FMN1: variants seen among roughly 807,000 people sequenced by gnomAD.
FMN1 encodes the protein formin 1.
In FMN1, 110 loss-of-function variants were observed where a neutral mutation model predicts 132.4. The ratio of observed to expected loss-of-function variants is 0.83; its 90% confidence interval spans 0.71 to 0.97. FMN1 has a LOEUF of 0.97. FMN1 is among the 50% of genes least tolerant of loss of function. FMN1 has a pLI of 0.00. For missense variants in FMN1, 1,792 were observed against 1,705.3 expected, an observed-to-expected ratio of 1.05 and a Z score of -0.90; for synonymous variants, 722 against 651.7, an observed-to-expected ratio of 1.11 and a Z score of -1.64.
At chr15:32,981,189 C>A (rs2032625016) in intron 7 of FMN1, among the ~76,000 whole-genome samples, 1 of 151,970 alleles carries the variant, frequency 6.6e-6, no homozygotes, top group Non-Finnish European at 1.5e-5. Context: ...TAAAATATTA[C>A]ATTCAAATTA....
chr15:33,191,566 A>G (rs1396347789), intron 2 of FMN1, among the ~76,000 whole-genome samples: 5 of 152,202 alleles, frequency 3.3e-5, no homozygotes, highest in Admixed American at 3.3e-4. Flanking sequence ...ACAGAAATCC[A>G]GGTTACTCTG....
intron 16 of FMN1, among the ~76,000 whole-genome samples, chr15:32,880,930 T>C (rs1375779104): frequency 6.6e-6 from 1 of 152,186 alleles, no homozygotes; most frequent in Non-Finnish European, 1.5e-5. Flanking sequence ...ATTAGTCAAA[T>C]ATCACATGGT....
Position 33,017,843 on chromosome 15 carries a change from T to C in FMN1, c.2162-9768A>G, listed in dbSNP as rs976855356. ...ACTTTGGGAGACTGAGGCGGACGGA[T>C]TTCCTGAGGTCAGGAGTTCCAGACC... On this transcript the variant is annotated intron_variant, in intron 6 of 20. Transcript: ENST00000616417. Among the ~76,000 whole-genome samples, 15 of 152,282 alleles carry C rather than the reference T, an allele frequency of 9.9e-5. No homozygotes were observed. The East Asian group carries it at 2.9e-3, about 29-fold the overall frequency.
chr15:33,126,232 G>C (rs1302893734), intron 4 of FMN1, among the ~76,000 whole-genome samples: 5 of 152,152 alleles, frequency 3.3e-5, no homozygotes, highest in African/African-American at 1.2e-4. Flanking sequence ...AGTTTTCCTA[G>C]ACTTCAGAGA....
At chr15:33,149,793 A>G (rs1229461391) in intron 4 of FMN1, 20 of 984,802 alleles carry the variant, frequency 2.0e-5, no homozygotes, top group Non-Finnish European at 2.2e-5. Flanking sequence ...GCTTCTTTAC[A>G]ATTTTATTGG....
At chr15:32,777,042 G>A (rs2056443403) in intron 19 of FMN1, 123 bp from the exon 20 acceptor site, 1 of 565,146 alleles carries the variant, frequency 1.8e-6, no homozygotes, top group African/African-American at 1.9e-5. Flanking sequence ...TAATCCATCA[G>A]CAATTTGAAA....
intron 10 of FMN1, among the ~76,000 whole-genome samples, chr15:32,924,341 T>C (rs539377885): frequency 4.3e-4 from 66 of 152,372 alleles, no homozygotes; most frequent in African/African-American, 1.5e-3. Context: ...TTTAGTTTTT[T>C]GTGGAATTTT....
chr15:32,902,436 T>C (rs970989977), intron 12 of FMN1, among the ~76,000 whole-genome samples: 8 of 152,198 alleles, frequency 5.3e-5, no homozygotes, highest in African/African-American at 1.9e-4. Flanking sequence ...GGTGTATTTA[T>C]ACAGGCTAAG....
chr15:33,089,168 T>G (rs1189155054), intron 4 of FMN1, among the ~76,000 whole-genome samples, 194 bp from the exon 5 acceptor site: 1 of 152,194 alleles, frequency 6.6e-6, no homozygotes, highest in African/African-American at 2.4e-5. Flanking sequence ...AACAAAAATT[T>G]ACAACATACG....
At chr15:32,855,669 GA>G (rs1200519452) in intron 17 of FMN1, among the ~76,000 whole-genome samples, 2 of 152,150 alleles carry the variant, frequency 1.3e-5, no homozygotes, top group Non-Finnish European at 2.9e-5. Context: ...TCTAGAAATA[GA>G]ATAGCAATTA....
At chr15:32,907,191 T>C (rs2060447286) in intron 12 of FMN1, among the ~76,000 whole-genome samples, 1 of 152,004 alleles carries the variant, frequency 6.6e-6, no homozygotes, top group African/African-American at 2.4e-5. Context: ...TGCACTTTAT[T>C]TCCATTATTA....
chr15:32,934,954 G>A (rs1347285483), intron 9 of FMN1, among the ~76,000 whole-genome samples: 6 of 146,102 alleles, frequency 4.1e-5, no homozygotes, highest in Non-Finnish European at 7.5e-5. Flanking sequence ...ACACAGTCTT[G>A]CTCTGTCGCC....
intron 5 of FMN1, 84 bp from the exon 6 acceptor site, chr15:33,065,158 G>A (rs1595388197): frequency 1.2e-6 from 1 of 862,186 alleles, no homozygotes; most frequent in South Asian, 2.0e-5. Flanking sequence ...ACCTAATTCT[G>A]AAGTTAATTT....
chr15:32,835,513 T>C (rs1275479896), intron 17 of FMN1, among the ~76,000 whole-genome samples: 2 of 152,214 alleles, frequency 1.3e-5, no homozygotes, highest in Non-Finnish European at 2.9e-5. Flanking sequence ...CACACTTTTT[T>C]GGTGTGTGTT....
chr15:32,952,975 G>A (rs750239584), intron 9 of FMN1, among the ~76,000 whole-genome samples: 20 of 152,152 alleles, frequency 1.3e-4, no homozygotes, highest in Non-Finnish European at 2.6e-4. Flanking sequence ...TTCCCTTGCA[G>A]TGAGAAGCTA....
At chr15:33,074,765 T>C (rs900405795) in intron 5 of FMN1, among the ~76,000 whole-genome samples, 12 of 152,148 alleles carry the variant, frequency 7.9e-5, no homozygotes, top group Admixed American at 4.6e-4. Flanking sequence ...CCTGTAATCC[T>C]AGCACTTTGG....
chr15:32,880,057 T>C (rs140260043), intron 16 of FMN1, among the ~76,000 whole-genome samples: 1 of 151,988 alleles, frequency 6.6e-6, no homozygotes, highest in Admixed American at 6.6e-5. Flanking sequence ...CTATTGTTTT[T>C]TTTTTATTTT....
intron 16 of FMN1, among the ~76,000 whole-genome samples, chr15:32,867,538 C>T (rs1004070469): frequency 6.6e-6 from 1 of 151,706 alleles, no homozygotes; most frequent in Non-Finnish European, 1.5e-5. Flanking sequence ...GAGTCTCGCT[C>T]TTTCACCCAG....
chr15:33,163,348 G>A (rs1324965440), intron 3 of FMN1, among the ~76,000 whole-genome samples: 4 of 150,434 alleles, frequency 2.7e-5, no homozygotes, highest in Admixed American at 6.6e-5. Flanking sequence ...AGGCTGGAGC[G>A]CAATGGCACA....
Sources: gnomAD v4.1 joint callset for allele counts (sites outside exome capture counted in the v4.1 genomes callset) on GRCh38, gnomAD v4.1.1 for gene constraint, MANE v1.5 for transcripts, NCBI Gene and HGNC (gene_info 2026-07-23, HGNC 2026-07-21) for gene names.